The following S100A13 variants were observed in gnomAD, a reference collection of about 807,000 sequenced individuals.
The protein encoded by S100A13 is S100 calcium binding protein A13.
In S100A13, 6 loss-of-function variants were observed where a neutral mutation model predicts 8.2. The observed-to-expected ratio is 0.73, with a 90% CI of 0.40 to 1.44. The LOEUF is 1.44. S100A13 is among the 40% of genes most tolerant of loss of function. The pLI is 0.02. For missense variants in S100A13, 114 were observed against 113.6 expected (o/e 1.00, Z -0.02); for synonymous variants, 39 against 45.9 (o/e 0.85, Z 0.61).
At chr1:153,619,084 T>C (rs536715007) in intron 2 of S100A13, 46 bp from the exon 3 acceptor site, 15 of 1,573,062 alleles carry the variant, frequency 9.5e-6, no homozygotes, top group African/African-American at 1.4e-5. Flanking sequence ...ACTGGGGTTC[T>C]TGAGAAAGTA....
chr1:153,633,044 C>T (rs1668120645), upstream of S100A13: 1 of 152,142 alleles, frequency 6.6e-6, no homozygotes, highest in Non-Finnish European at 1.5e-5. Flanking sequence ...GCCTGTAATT[C>T]CAGCTACTCA....
At position 153,620,422 on chromosome 1, in the gene S100A13, C is replaced by T. The variant is rs539388849; in HGVS notation, c.154-1384G>A. Among the ~76,000 whole-genome samples the T allele has an allele frequency of 2.0e-5, 3 of 150,594 alleles. No individual in the cohort carries two copies. The South Asian group carries it at 6.3e-4, about 32-fold the overall frequency. ...GCTGTAGTGAGCCGAGATCAAGCCA[C>T]TGCCCTCCAGCCTGGGTGACAGAGT... is the stretch of plus-strand genomic sequence containing the variant. On this transcript the variant is annotated intron_variant, in intron 2 of 2. Transcript: ENST00000476133.
chr1:153,628,858 C>T, upstream of S100A13: 1 of 272,730 alleles, frequency 3.7e-6, no homozygotes, highest in Non-Finnish European at 7.1e-6. Context: ...CCTGCCTCGC[C>T]TCCTGTGGGG....
At chr1:153,628,465 G>A (rs1243499153), upstream of S100A13, 2 of 1,550,762 alleles carry the variant, frequency 1.3e-6, no homozygotes, top group South Asian at 1.2e-5. Context: ...CATCTGTCCA[G>A]AACCTGCTCC....
Position 153,626,318 on chromosome 1 carries a change from A to C in S100A13, c.153+2T>G. ...AAATCTCAGTCCCAGACTTCTGCCTACCTTGAGCAGATGGGGCAACTGCTG... is the reference window on the plus strand; with the variant it reads ...AAATCTCAGTCCCAGACTTCTGCCTCCCTTGAGCAGATGGGGCAACTGCTG... On this transcript the variant is annotated splice_donor_variant, in intron 2 of 2. Transcript: ENST00000476133. LOFTEE classifies it high-confidence loss of function. 1 of 1,613,898 alleles carries C rather than the reference A, an allele frequency of 6.2e-7. No individual in the cohort carries two copies. Among genetic ancestry groups the C allele is most frequent in the Non-Finnish European group, 8.5e-7 (1 of 1,179,780 alleles).
chr1:153,626,382 C>T lies in S100A13; in HGVS notation c.91G>A (p.Asp31Asn), dbSNP rs750278910. Residue 31 changes from aspartate to asparagine, a missense_variant, in exon 2 of 3, where the codon GAT becomes AAT. Asp to Asn is a conservative substitution (Grantham distance 23, BLOSUM62 1). Transcript: ENST00000476133. ...TTGAACTCGTTGACGCTGAGGCTATCCTTCCGGCCCTCCTGCCTTGCAAAG... is the reference window on the plus strand; with the variant it reads ...TTGAACTCGTTGACGCTGAGGCTATTCTTCCGGCCCTCCTGCCTTGCAAAG... ...FTFARQEGRK[D>N]SLSVNEFKEL... The T allele has an allele frequency of 5.0e-6, 8 of 1,614,212 alleles. No homozygotes were observed. The highest frequency in any genetic ancestry group is 6.8e-6 in the Non-Finnish European group (8 of 1,180,038).
At chr1:153,628,811 T>C, upstream of S100A13, 2 of 381,802 alleles carry the variant, frequency 5.2e-6, no homozygotes, top group East Asian at 8.5e-5. Flanking sequence ...CAAGGCCCCC[T>C]CTGTCTCCCA....
At chr1:153,633,758 G>A (rs1051261628), upstream of S100A13, among the ~76,000 whole-genome samples, 1 of 152,188 alleles carries the variant, frequency 6.6e-6, no homozygotes, top group Non-Finnish European at 1.5e-5. Flanking sequence ...CCTTGGCTAG[G>A]GAACGGAGGG....
chr1:153,625,851 C>A (rs550970089), intron 2 of S100A13, among the ~76,000 whole-genome samples: 1 of 152,362 alleles, frequency 6.6e-6, no homozygotes, highest in South Asian at 2.1e-4. Context: ...CACAAACACA[C>A]ACATGTACAC....
chr1:153,623,339 G>A (rs949513069), intron 2 of S100A13, among the ~76,000 whole-genome samples: 10 of 152,010 alleles, frequency 6.6e-5, no homozygotes, highest in East Asian at 1.9e-4. Flanking sequence ...TGCTGATTTC[G>A]GGGAGGGAGC....
upstream of S100A13, chr1:153,628,115 C>G (rs752171597): frequency 6.5e-7 from 1 of 1,550,386 alleles, no homozygotes; most frequent in East Asian, 2.4e-5. Flanking sequence ...AGAATTCCCC[C>G]CTTACCGGGC....
At chr1:153,626,824 G>A (rs571105694) in intron 1 of S100A13, 3 of 185,652 alleles carry the variant, frequency 1.6e-5, no homozygotes, top group Non-Finnish European at 2.3e-5. Flanking sequence ...GTGATCCCTC[G>A]ATCTGGAGAC....
chr1:153,623,317 A>G (rs1667392931), intron 2 of S100A13, among the ~76,000 whole-genome samples: 1 of 152,026 alleles, frequency 6.6e-6, no homozygotes, highest in Non-Finnish European at 1.5e-5. Context: ...TATCATTTGC[A>G]TAACAGAAGA....
chr1:153,633,647 C>T (rs1181317105), upstream of S100A13, among the ~76,000 whole-genome samples: 2 of 152,192 alleles, frequency 1.3e-5, no homozygotes, highest in African/African-American at 4.8e-5. Flanking sequence ...AACTCTCAGA[C>T]TGGGCGAGTG....
chr1:153,631,566 T>C, upstream of S100A13: 2 of 1,613,962 alleles, frequency 1.2e-6, no homozygotes, highest in Admixed American at 1.7e-5. Context: ...TGAGGAGGCC[T>C]AGAAGAGTCC....
intron 2 of S100A13, among the ~76,000 whole-genome samples, chr1:153,625,375 G>A (rs555190339): frequency 6.6e-6 from 1 of 152,330 alleles, no homozygotes; most frequent in South Asian, 2.1e-4. Context: ...AAAACAAACT[G>A]TCAACAGCCA....
chr1:153,629,687 T>C (rs184874223), upstream of S100A13: 1 of 152,448 alleles, frequency 6.6e-6, no homozygotes, highest in East Asian at 1.9e-4. Flanking sequence ...TATCCCCGAA[T>C]CAACCAGGAG....
chr1:153,631,370 G>A, upstream of S100A13: 1 of 1,255,574 alleles, frequency 8.0e-7, no homozygotes, highest in Non-Finnish European at 1.1e-6. Context: ...TTCTTCTCTA[G>A]AATGGAAATA....
intron 2 of S100A13, among the ~76,000 whole-genome samples, chr1:153,620,395 A>G (rs1243579127): frequency 2.0e-5 from 3 of 150,732 alleles, no homozygotes; most frequent in Non-Finnish European, 3.0e-5. Context: ...TGGGAGGCAG[A>G]GGCTGTAGTG....
Sources: allele counts gnomAD v4.1 joint callset (sites outside exome capture counted in the v4.1 genomes callset), GRCh38; gene constraint gnomAD v4.1.1; transcripts MANE v1.5; gene names NCBI Gene and HGNC (gene_info 2026-07-23, HGNC 2026-07-21).